NKAIN3: variants seen among roughly 807,000 people sequenced by gnomAD.
The protein encoded by NKAIN3 is sodium/potassium-transporting ATPase subunit beta-1-interacting protein 3.
Under a neutral mutation model 30.2 loss-of-function variants are expected in NKAIN3, and 25 were observed. The ratio of observed to expected loss-of-function variants is 0.83; its 90% CI spans 0.60 to 1.16. The LOEUF (loss-of-function observed/expected upper bound fraction) is 1.16. Among genes scored for constraint, NKAIN3 ranks in the 50% most tolerant of loss-of-function variants. NKAIN3 has a pLI of 0.00. For missense variants in NKAIN3, 225 were observed against 254.1 expected (o/e 0.89, Z 0.78); for synonymous variants, 91 against 89.6 (o/e 1.02, Z -0.09).
chr8:62,414,859 G>A (rs1182518153), intron 1 of NKAIN3, among the ~76,000 whole-genome samples: 3 of 151,362 alleles, frequency 2.0e-5, no homozygotes, highest in Non-Finnish European at 4.4e-5. Flanking sequence ...TATTATCAGA[G>A]TGAAAATTCA....
At chr8:62,363,008 T>C (rs904970142) in intron 1 of NKAIN3, among the ~76,000 whole-genome samples, 1 of 152,152 alleles carries the variant, frequency 6.6e-6, no homozygotes. Flanking sequence ...AGGTTTTCAG[T>C]CTTGTCTACC....
chr8:62,659,948 G>A (rs934323112), intron 3 of NKAIN3, among the ~76,000 whole-genome samples: 4 of 152,166 alleles, frequency 2.6e-5, no homozygotes, highest in African/African-American at 9.7e-5. Flanking sequence ...TGCCATGATT[G>A]TGAGGCCTCC....
Position 62,775,506 on chromosome 8 carries a change from T to C in NKAIN3, c.471+28377T>C, listed in dbSNP as rs113819572. Among the ~76,000 whole-genome samples the C allele has an allele frequency of 5.9e-3, 893 of 152,214 alleles. 8 individuals are homozygous for C. The highest frequency in any genetic ancestry group is 0.02 in the African/African-American group (833 of 41,574). On this transcript the variant is annotated intron_variant, in intron 4 of 6. Coordinates refer to ENST00000623646, the MANE Select transcript of NKAIN3 (RefSeq NM_001304533.3). ...TTCAAGATGTCATTATATTATTTATTTGAAGTTTTTCTACATGTTTCATGT... is the reference window on the plus strand; with the variant it reads ...TTCAAGATGTCATTATATTATTTATCTGAAGTTTTTCTACATGTTTCATGT...
Position 62,980,372 on chromosome 8 carries a change from G to A in NKAIN3, c.*14965G>A, listed in dbSNP as rs1181536907. ...ACTTTTAACTTCAAATAGCAGGCAT[G>A]CAATGTAGTTTTATAAGATAATATA... is the stretch of plus-strand genomic sequence containing the variant. On this transcript the variant is annotated 3_prime_UTR_variant, in exon 7 of 7. Coordinates refer to ENST00000623646, the MANE Select transcript of NKAIN3 (RefSeq NM_001304533.3). 6.6e-6 allele frequency: 1 copy of A among 152,140 alleles called. No homozygotes were observed. Among genetic ancestry groups the A allele is most frequent in the Admixed American group, 6.5e-5 (1 of 15,272 alleles). The allele number at this position is 152,140 out of a possible 1,614,324, so 9.4% of individuals were successfully genotyped here. A position where few individuals can be genotyped will look rare whatever the true frequency, so the allele number is the denominator to read the frequency against.
intron 1 of NKAIN3, among the ~76,000 whole-genome samples, chr8:62,329,970 T>A (rs2129589918): frequency 6.6e-6 from 1 of 152,152 alleles, no homozygotes; most frequent in Admixed American, 6.6e-5. Context: ...GATTTACCAC[T>A]AAACCAAGGG....
At chr8:62,571,291 A>G (rs1809929855) in intron 1 of NKAIN3, among the ~76,000 whole-genome samples, 1 of 152,128 alleles carries the variant, frequency 6.6e-6, no homozygotes. Flanking sequence ...AAGAGCCACC[A>G]TGCCTGGCTA....
intron 5 of NKAIN3, among the ~76,000 whole-genome samples, chr8:62,941,290 C>T (rs1160189983): frequency 6.6e-6 from 1 of 151,986 alleles, no homozygotes; most frequent in Non-Finnish European, 1.5e-5. Flanking sequence ...AAGTCCAGGA[C>T]CAGATGGATT....
At chr8:62,550,480 C>T (rs1361318198) in intron 1 of NKAIN3, among the ~76,000 whole-genome samples, 2 of 152,174 alleles carry the variant, frequency 1.3e-5, no homozygotes, top group Non-Finnish European at 2.9e-5. Flanking sequence ...TAACAGAGAC[C>T]TATAGGTTCC....
intron 1 of NKAIN3, among the ~76,000 whole-genome samples, chr8:62,293,103 A>G (rs1278961659): frequency 1.3e-5 from 2 of 151,978 alleles, no homozygotes; most frequent in Non-Finnish European, 2.9e-5. Flanking sequence ...GGACTTCTCT[A>G]CACTGTTTAT....
chr8:62,637,268 T>C (rs1812160521), intron 3 of NKAIN3, among the ~76,000 whole-genome samples: 1 of 152,150 alleles, frequency 6.6e-6, no homozygotes. Context: ...TGACACCCCT[T>C]AATGCATGGA....
intron 1 of NKAIN3, among the ~76,000 whole-genome samples, chr8:62,578,127 G>GA (rs944495953): frequency 6.6e-6 from 1 of 151,956 alleles, no homozygotes; most frequent in Non-Finnish European, 1.5e-5. Flanking sequence ...TACAAAACTA[G>GA]AAAAATGCCT....
intron 4 of NKAIN3, among the ~76,000 whole-genome samples, chr8:62,866,890 C>CAAAAAAAAAAAAAAAA (rs59832626): frequency 7.9e-6 from 1 of 125,852 alleles, no homozygotes; most frequent in African/African-American, 3.1e-5. Flanking sequence ...ACTAAAAATA[C>CAAAAAAAAAAAAAAAA]AAAAAAAAAA....
At chr8:62,690,666 C>G (rs2130441789) in intron 3 of NKAIN3, among the ~76,000 whole-genome samples, 1 of 152,264 alleles carries the variant, frequency 6.6e-6, no homozygotes, top group South Asian at 2.1e-4. Context: ...CAGAGGCACT[C>G]CCAGCCAGCT....
At chr8:62,539,795 G>T (rs1163843732) in intron 1 of NKAIN3, among the ~76,000 whole-genome samples, 1 of 152,072 alleles carries the variant, frequency 6.6e-6, no homozygotes, top group Non-Finnish European at 1.5e-5. Flanking sequence ...TGCCCAGGCT[G>T]GTCTCTATCT....
chr8:62,856,749 T>A, intron 4 of NKAIN3: 1 of 681,294 alleles, frequency 1.5e-6, no homozygotes. Flanking sequence ...CTCTAGAATT[T>A]ATTTTGCACC....
chr8:62,528,415 T>C (rs930224815), intron 1 of NKAIN3, among the ~76,000 whole-genome samples: 4 of 150,246 alleles, frequency 2.7e-5, no homozygotes, highest in African/African-American at 9.8e-5. Flanking sequence ...AAAATGCCAG[T>C]TTGTCACTGT....
chr8:62,962,509 G>A (rs753423268), intron 6 of NKAIN3, among the ~76,000 whole-genome samples: 5 of 152,178 alleles, frequency 3.3e-5, no homozygotes, highest in Non-Finnish European at 5.9e-5. Context: ...TACCAATTGA[G>A]CAGGTTCTTT....
chr8:62,998,742 G>A (rs572472260), intron 5 of NKAIN3, among the ~76,000 whole-genome samples: 3 of 152,220 alleles, frequency 2.0e-5, no homozygotes, highest in South Asian at 4.1e-4. Flanking sequence ...TCACTATGGT[G>A]GTTGGTCCAT....
At chr8:62,593,095 T>C (rs1037810022) in intron 3 of NKAIN3, among the ~76,000 whole-genome samples, 7 of 151,974 alleles carry the variant, frequency 4.6e-5, no homozygotes, top group Non-Finnish European at 1.0e-4. Flanking sequence ...TCAAACAATG[T>C]GTCTGTCATA....
Sources: gnomAD v4.1 joint callset for allele counts (sites outside exome capture counted in the v4.1 genomes callset) on GRCh38, gnomAD v4.1.1 for gene constraint, MANE v1.5 for transcripts, NCBI Gene and HGNC (gene_info 2026-07-23, HGNC 2026-07-21) for gene names.